Variants in BIRC6 observed in about 807,000 individuals in gnomAD.
BIRC6 encodes baculoviral IAP repeat containing 6, also known as dual E2 ubiquitin-conjugating enzyme/E3 ubiquitin-protein ligase BIRC6.
A neutral mutation model predicts 503.3 loss-of-function variants in BIRC6; 98 were observed. The observed-to-expected ratio is 0.19, with a 90% CI of 0.17 to 0.23. The LOEUF is 0.23. BIRC6 is among the 10% of genes least tolerant of loss of function. The probability of loss-of-function intolerance (pLI) is 1.00; values close to 1 mark genes in which losing one functional copy is unlikely to be tolerated. For missense variants in BIRC6, 5,360 were observed against 5,806.0 expected, an observed-to-expected ratio of 0.92 and a Z score of 2.50; for synonymous variants, 2,240 against 2,078.7, an observed-to-expected ratio of 1.08 and a Z score of -2.11.
intron 1 of BIRC6, among the ~76,000 whole-genome samples, chr2:32,376,996 T>C (rs2149357184): frequency 6.6e-6 from 1 of 152,324 alleles, no homozygotes; most frequent in African/African-American, 2.4e-5. Context: ...CTGCTGTATC[T>C]AATAACTGTC....
chr2:32,594,931 G>A, intron 67 of BIRC6, 103 bp from the exon 68 acceptor site: 1 of 658,338 alleles, frequency 1.5e-6, no homozygotes, highest in Non-Finnish European at 2.4e-6. Context: ...CAATTTTTTG[G>A]AATTCACAAT....
chr2:32,525,441 T>C (rs1251567327), intron 58 of BIRC6, 23 bp from the exon 59 acceptor site: 2 of 1,613,622 alleles, frequency 1.2e-6, no homozygotes, highest in African/African-American at 2.7e-5. Context: ...CTATGTAGAA[T>C]CTTACTGATC....
rs183206513 is a variant in BIRC6, at chr2:32,604,032, C to T, written c.14070+949C>T. Among the ~76,000 whole-genome samples the T allele has an allele frequency of 6.4e-4, 97 of 152,112 alleles. 2 individuals are homozygous for T. The East Asian group carries it at 0.017, about 27-fold the overall frequency. On this transcript the variant is annotated intron_variant, in intron 71 of 73. Coordinates refer to ENST00000421745, the MANE Select transcript of BIRC6 (RefSeq NM_016252.4). ...GCTTTTTAAGTGACGTTCTGTTGATCAGACAGTTCATGCTGGCTGCTTTTT... is the reference window on the plus strand; with the variant it reads ...GCTTTTTAAGTGACGTTCTGTTGATTAGACAGTTCATGCTGGCTGCTTTTT...
intron 10 of BIRC6, among the ~76,000 whole-genome samples, chr2:32,427,821 T>C (rs1314037143): frequency 1.3e-5 from 2 of 152,128 alleles, no homozygotes; most frequent in African/African-American, 2.4e-5. Flanking sequence ...ATTTATTTAC[T>C]GGACATTTAA....
intron 66 of BIRC6, among the ~76,000 whole-genome samples, chr2:32,586,658 A>G (rs578054516): frequency 7.9e-5 from 12 of 152,002 alleles, no homozygotes; most frequent in African/African-American, 2.2e-4. Context: ...AGCTCAAGCA[A>G]TCCACCTGCC....
intron 73 of BIRC6, among the ~76,000 whole-genome samples, chr2:32,616,451 T>C (rs1416131155): frequency 6.6e-6 from 1 of 151,114 alleles, no homozygotes; most frequent in African/African-American, 2.4e-5. Context: ...TAGCAGTTGC[T>C]CGGGAGGCTG....
At chr2:32,546,558 C>T (rs1190887199) in intron 63 of BIRC6, among the ~76,000 whole-genome samples, 1 of 150,606 alleles carries the variant, frequency 6.6e-6, no homozygotes, top group African/African-American at 2.4e-5. Context: ...CCAGACTGGG[C>T]GACAAGAGTG....
chr2:32,569,710 C>A (rs549475716), intron 65 of BIRC6, among the ~76,000 whole-genome samples: 42 of 151,236 alleles, frequency 2.8e-4, no homozygotes, highest in African/African-American at 1.0e-3. Flanking sequence ...AATGAGATTG[C>A]TTTCTTGATT....
chr2:32,519,425 T>C (rs921844382), intron 57 of BIRC6, among the ~76,000 whole-genome samples: 1 of 152,228 alleles, frequency 6.6e-6, no homozygotes, highest in African/African-American at 2.4e-5. Context: ...TTCTTGCCTG[T>C]ATTTTATAGG....
intron 10 of BIRC6, among the ~76,000 whole-genome samples, chr2:32,422,292 G>A (rs529546922): frequency 1.3e-5 from 2 of 152,090 alleles, no homozygotes; most frequent in African/African-American, 2.4e-5. Flanking sequence ...TATTGCTATG[G>A]TTGCATTTAT....
At chr2:32,434,172 A>G (rs1574175253) in intron 13 of BIRC6, among the ~76,000 whole-genome samples, 1 of 152,202 alleles carries the variant, frequency 6.6e-6, no homozygotes, top group South Asian at 2.1e-4. Flanking sequence ...TAGTGAAGCC[A>G]GCCTTTCATG....
At chr2:32,581,502 A>C (rs762269019) in intron 66 of BIRC6, among the ~76,000 whole-genome samples, 1 of 152,104 alleles carries the variant, frequency 6.6e-6, no homozygotes, top group Non-Finnish European at 1.5e-5. Context: ...TTCTACTTAG[A>C]ATTTTTCTTC....
chr2:32,580,116 G>T (rs956680008), intron 66 of BIRC6, among the ~76,000 whole-genome samples: 6 of 152,012 alleles, frequency 3.9e-5, no homozygotes, highest in Non-Finnish European at 8.8e-5. Context: ...ACCACGCCCA[G>T]CTAATTTTTG....
At chr2:32,570,267 A>G (rs1234519635) in intron 65 of BIRC6, among the ~76,000 whole-genome samples, 1 of 152,126 alleles carries the variant, frequency 6.6e-6, no homozygotes, top group Non-Finnish European at 1.5e-5. Context: ...ATACTTGATC[A>G]TGATGTATTA....
At position 32,471,038 on chromosome 2, in the gene BIRC6, G is replaced by T; in HGVS notation, c.6506G>T (p.Ser2169Ile). 1 of 1,577,762 alleles carries T rather than the reference G, an allele frequency of 6.3e-7. No homozygotes were observed. Among genetic ancestry groups the T allele is most frequent in the Non-Finnish European group, 8.6e-7 (1 of 1,159,516 alleles). ...GGAGTACTAGATATTCCCATGATCA[G>T]TTGGGTTGTTATGCTGGTGTCCAGG... is the stretch of plus-strand genomic sequence containing the variant. ...TEGVLDIPMI[S>I]WVVMLVSRLL... is the part of the protein sequence containing the mutation. Residue 2169 changes from serine to isoleucine, a missense_variant, in exon 32 of 74, where the codon AGT (serine) becomes ATT (isoleucine). By Grantham distance (142) the Ser-to-Ile change is moderately radical. This residue lies in a region of BIRC6 where 2,299 missense variants were observed against 2,267.2 expected (regional missense o/e 1.01). Transcript: ENST00000421745.
chr2:32,478,997 AAGT>A (rs906766628), intron 36 of BIRC6, among the ~76,000 whole-genome samples, 179 bp downstream of exon 36: 21 of 152,206 alleles, frequency 1.4e-4, no homozygotes, highest in African/African-American at 4.8e-4. Context: ...TTTTGTATTT[AAGT>A]ATATTGATAG....
intron 61 of BIRC6, among the ~76,000 whole-genome samples, chr2:32,537,664 A>G (rs2057341525): frequency 1.3e-5 from 2 of 152,180 alleles, no homozygotes; most frequent in African/African-American, 4.8e-5. Context: ...TAGGCAAAAT[A>G]TATTTTAAAA....
At chr2:32,582,624 G>A (rs561568095) in intron 66 of BIRC6, among the ~76,000 whole-genome samples, 25 of 152,060 alleles carry the variant, frequency 1.6e-4, no homozygotes, top group African/African-American at 5.6e-4. Context: ...AATTAGCTGC[G>A]TGTGGTGGCA....
At chr2:32,597,687 T>A (rs1011719872) in intron 68 of BIRC6, 64 bp from the exon 69 acceptor site, 2 of 1,204,274 alleles carry the variant, frequency 1.7e-6, no homozygotes, top group Non-Finnish European at 2.4e-6. Flanking sequence ...AGTGATTGTT[T>A]GTGATTTTTG....
Sources: gnomAD v4.1 joint callset for allele counts (sites outside exome capture counted in the v4.1 genomes callset) on GRCh38, gnomAD v4.1.1 for gene constraint, gnomAD v4.1.1 regional missense constraint, MANE v1.5 for transcripts, NCBI Gene and HGNC (gene_info 2026-07-23, HGNC 2026-07-21) for gene names.